The following CNTNAP2 variants were observed in gnomAD, a reference collection of about 807,000 sequenced individuals.
CNTNAP2 encodes contactin associated protein 2, also known as contactin-associated protein-like 2.
CNTNAP2 carries 98 observed loss-of-function variants against 155.2 expected under a neutral mutation model. That is an observed-to-expected ratio of 0.63 (90% CI 0.54 to 0.75). The LOEUF is 0.75. Among genes scored for constraint, CNTNAP2 ranks in the 30% least tolerant of loss-of-function variants. The pLI is 0.00. For synonymous variants in CNTNAP2, 651 were observed against 631.2 expected, an observed-to-expected ratio of 1.03 and a Z score of -0.47; for missense variants, 1,727 against 1,688.1, an observed-to-expected ratio of 1.02 and a Z score of -0.40.
chr7:148,265,632 A>G (rs1430832830), intron 20 of CNTNAP2, among the ~76,000 whole-genome samples: 1 of 152,204 alleles, frequency 6.6e-6, no homozygotes, highest in African/African-American at 2.4e-5. Context: ...ATAGCCAAGC[A>G]TGCAAATGTT....
intron 1 of CNTNAP2, among the ~76,000 whole-genome samples, chr7:146,748,725 T>TA (rs1353908223): frequency 6.6e-6 from 1 of 152,210 alleles, no homozygotes; most frequent in Non-Finnish European, 1.5e-5. Flanking sequence ...AAGGAGTTCT[T>TA]AAAATAAATA....
intron 10 of CNTNAP2, among the ~76,000 whole-genome samples, chr7:147,481,785 G>A (rs1227842383): frequency 2.0e-5 from 3 of 151,990 alleles, no homozygotes; most frequent in Non-Finnish European, 2.9e-5. Context: ...CCTGATCCCG[G>A]TCAAGTCATT....
chr7:147,430,877 A>G (rs1209039901), intron 10 of CNTNAP2, among the ~76,000 whole-genome samples: 1 of 152,022 alleles, frequency 6.6e-6, no homozygotes, highest in Non-Finnish European at 1.5e-5. Flanking sequence ...ATCCTGGCTA[A>G]CACAGTGAGA....
In CNTNAP2 at chr7:146,721,717, ATATT is replaced by A. The variant is rs1287373913; in HGVS notation, c.98-52553_98-52550del. Among the ~76,000 whole-genome samples the A allele has an allele frequency of 8.9e-5, 11 of 123,364 alleles. No homozygotes were observed. In the South Asian group the frequency reaches 1.6e-3, roughly 18 times the overall value. The allele number at this position is 123,364 out of a possible 152,430, so 80.9% of individuals were successfully genotyped here. On this transcript the variant is annotated intron_variant, in intron 1 of 23. Transcript: ENST00000361727. ...TATATATTCTATATACATTCTATAT[ATATT>A]CTAAATACATTATATATTCTATATA...
At chr7:148,200,622 G>A (rs1405113542) in intron 18 of CNTNAP2, among the ~76,000 whole-genome samples, 1 of 152,032 alleles carries the variant, frequency 6.6e-6, no homozygotes. Flanking sequence ...CTCTTACATA[G>A]GAATCATAGC....
At chr7:148,191,585 G>C (rs1306915562) in intron 18 of CNTNAP2, among the ~76,000 whole-genome samples, 1 of 152,172 alleles carries the variant, frequency 6.6e-6, no homozygotes, top group African/African-American at 2.4e-5. Context: ...GTTCCAGCAT[G>C]GTCAGGTGCT....
chr7:146,865,169 T>C (rs1287058448), intron 3 of CNTNAP2, among the ~76,000 whole-genome samples: 1 of 151,984 alleles, frequency 6.6e-6, no homozygotes, highest in African/African-American at 2.4e-5. Context: ...AAAATTATAC[T>C]GACATTCTTT....
At chr7:147,441,840 TCTCTCTCTCTCCCTCC>T (rs1797642792) in intron 10 of CNTNAP2, among the ~76,000 whole-genome samples, 1 of 141,916 alleles carries the variant, frequency 7.0e-6, no homozygotes, top group African/African-American at 2.6e-5. Context: ...TCTCTCTCTC[TCTCTCTCTCTCCCTCC>T]CTCCCTCCCT....
chr7:146,179,698 G>A (rs995090979), intron 1 of CNTNAP2, among the ~76,000 whole-genome samples: 21 of 152,108 alleles, frequency 1.4e-4, no homozygotes, highest in African/African-American at 5.1e-4. Context: ...CCATCTTCAT[G>A]CAGGATTTTA....
intron 3 of CNTNAP2, among the ~76,000 whole-genome samples, chr7:146,957,605 G>A (rs1266172147): frequency 6.6e-6 from 1 of 152,154 alleles, no homozygotes; most frequent in Non-Finnish European, 1.5e-5. Flanking sequence ...AGGTAGCCAG[G>A]GAAAAGGAGA....
At chr7:147,781,530 C>G (rs1797661739) in intron 13 of CNTNAP2, among the ~76,000 whole-genome samples, 1 of 152,148 alleles carries the variant, frequency 6.6e-6, no homozygotes, top group Admixed American at 6.5e-5. Context: ...TCTATGCAAT[C>G]TTCAGTTATG....
At chr7:148,226,962 A>G (rs1290435946) in intron 19 of CNTNAP2, among the ~76,000 whole-genome samples, 1 of 152,144 alleles carries the variant, frequency 6.6e-6, no homozygotes, top group African/African-American at 2.4e-5. Flanking sequence ...TCTGCCCCTC[A>G]AGCCGCATTC....
intron 13 of CNTNAP2, among the ~76,000 whole-genome samples, chr7:147,860,236 A>C (rs1359803030): frequency 1.3e-5 from 2 of 152,058 alleles, no homozygotes; most frequent in African/African-American, 4.8e-5. Context: ...ACCAGCCTGA[A>C]CAACATGCTG....
intron 15 of CNTNAP2, among the ~76,000 whole-genome samples, chr7:148,076,422 C>CTTT (rs771048326): frequency 0.023 from 1,142 of 49,862 alleles, 50 homozygotes; most frequent in Middle Eastern, 0.038. Flanking sequence ...GCTCTGACTT[C>CTTT]TTTTTTTTTT....
intron 15 of CNTNAP2, among the ~76,000 whole-genome samples, chr7:147,987,022 C>G (rs1284910981): frequency 6.6e-6 from 1 of 151,838 alleles, no homozygotes; most frequent in African/African-American, 2.4e-5. Context: ...AATGTCCCAG[C>G]CTTCACTGCT....
Position 147,901,875 on chromosome 7 carries a change from G to A in CNTNAP2, c.2099-1690G>A, listed in dbSNP as rs147922207. On this transcript the variant is annotated intron_variant, in intron 13 of 23. Transcript: ENST00000361727. ...GATGATTGGATGAATGAATGAATGA[G>A]TGACTATTAGGCCAAATGATAAAGG... is the stretch of plus-strand genomic sequence containing the variant. 3.9e-4 allele frequency among the ~76,000 whole-genome samples: 60 copies of A among 152,338 alleles called. No homozygotes were observed. In the East Asian group the frequency reaches 0.011, roughly 28 times the overall value.
At chr7:146,667,679 T>G (rs1800221632) in intron 1 of CNTNAP2, among the ~76,000 whole-genome samples, 1 of 151,688 alleles carries the variant, frequency 6.6e-6, no homozygotes. Context: ...CTTTTAAAGG[T>G]TTTGTACCTC....
At chr7:147,300,395 GATC>G in intron 9 of CNTNAP2, 105 bp downstream of exon 9, 1 of 1,274,934 alleles carries the variant, frequency 7.8e-7, no homozygotes, top group Non-Finnish European at 1.1e-6. Context: ...TGACTCAGTA[GATC>G]TCATGACAAA....
At chr7:147,521,444 T>C (rs1799227289) in intron 11 of CNTNAP2, among the ~76,000 whole-genome samples, 1 of 152,202 alleles carries the variant, frequency 6.6e-6, no homozygotes. Flanking sequence ...TAGATCTACC[T>C]ACAGTCTAGG....
Sources: gnomAD v4.1 joint callset for allele counts (sites outside exome capture counted in the v4.1 genomes callset) on GRCh38, gnomAD v4.1.1 for gene constraint, MANE v1.5 for transcripts, NCBI Gene and HGNC (gene_info 2026-07-23, HGNC 2026-07-21) for gene names.